SETD5: variants seen among roughly 807,000 people sequenced by gnomAD.
SETD5 encodes SET domain containing 5, also known as histone-lysine N-methyltransferase SETD5.
Under a neutral mutation model 153.3 loss-of-function variants are expected in SETD5, and 44 were observed. That is an observed-to-expected ratio of 0.29 (90% CI 0.23 to 0.37). SETD5 has a LOEUF of 0.37. SETD5 is among the 10% of genes least tolerant of loss of function. The probability of loss-of-function intolerance (pLI) is 1.00; values close to 1 mark genes in which losing one functional copy is unlikely to be tolerated. For synonymous variants in SETD5, 716 were observed against 645.2 expected, an observed-to-expected ratio of 1.11 and a Z score of -1.66; for missense variants, 1,544 against 1,768.0, an observed-to-expected ratio of 0.87 and a Z score of 2.27.
At chr3:9,442,324 A>T in intron 10 of SETD5, 79 bp downstream of exon 10, 1 of 1,015,814 alleles carries the variant, frequency 9.8e-7, no homozygotes, top group East Asian at 2.5e-5. Flanking sequence ...TGAAAACTTC[A>T]CTCAGATAAA....
chr3:9,445,558 C>A, intron 12 of SETD5, 99 bp from the exon 13 acceptor site: 2 of 1,081,030 alleles, frequency 1.9e-6, no homozygotes, highest in Non-Finnish European at 2.7e-6. Flanking sequence ...CAGTTTAAAG[C>A]ACTAGAGATT....
chr3:9,417,948 T>G (rs183385986), intron 1 of SETD5, among the ~76,000 whole-genome samples: 6 of 144,158 alleles, frequency 4.2e-5, no homozygotes, highest in Admixed American at 8.0e-5. Flanking sequence ...TTTTGTTTTT[T>G]TTTTTTTTTT....
chr3:9,432,150 C>T (rs1331200271), intron 3 of SETD5: 1 of 228,920 alleles, frequency 4.4e-6, no homozygotes, highest in Non-Finnish European at 7.2e-6. Flanking sequence ...AGAATACTGA[C>T]CTGCATTCTT....
intron 1 of SETD5, among the ~76,000 whole-genome samples, chr3:9,412,134 G>A (rs899287092): frequency 1.3e-5 from 2 of 151,804 alleles, no homozygotes; most frequent in Non-Finnish European, 2.9e-5. Context: ...GTCTTTACAT[G>A]CCCTCAAAGT....
intron 1 of SETD5, among the ~76,000 whole-genome samples, chr3:9,416,973 A>G (rs1447890667): frequency 4.6e-5 from 7 of 152,136 alleles, no homozygotes; most frequent in Admixed American, 4.6e-4. Flanking sequence ...AAAAGCATGA[A>G]TAGTGTAAAC....
chr3:9,432,663 ACAAT>A (rs2040105600), intron 3 of SETD5, among the ~76,000 whole-genome samples: 1 of 152,238 alleles, frequency 6.6e-6, no homozygotes, highest in Non-Finnish European at 1.5e-5. Flanking sequence ...TAACCAGGTA[ACAAT>A]CAGAGTTGAA....
intron 1 of SETD5, among the ~76,000 whole-genome samples, chr3:9,417,777 G>GC (rs934481108): frequency 1.6e-4 from 24 of 150,662 alleles, no homozygotes; most frequent in South Asian, 6.3e-4. Context: ...GATCCACTGC[G>GC]CCTGGCCAAG....
In SETD5 at chr3:9,475,625, G is replaced by A. The variant is rs1490756838; in HGVS notation, c.3863G>A (p.Gly1288Asp). ...AGACCTGGAAACCCCCCCTCTCACG[G>A]TTCTTCAGAATCATCCCTCTCTTCC... ...ALRPGNPPSHGSSESSLSSTS... is the reference protein window; with the variant it reads ...ALRPGNPPSHDSSESSLSSTS... Residue 1288 changes from glycine (G) to aspartate (D), a missense_variant, in exon 23 of 23, where the codon GGT becomes GAT. This residue lies in a region of SETD5 where 302 missense variants were observed against 277.6 expected (regional missense o/e 1.09). Transcript: ENST00000402198. The A allele has an allele frequency of 6.2e-7, 1 of 1,613,730 alleles. No individual in the cohort carries two copies. The highest frequency in any genetic ancestry group is 2.2e-5 in the East Asian group (1 of 44,878).
rs1475309362 is a variant in SETD5 at position 9,453,795 on chromosome 3, A to G, written c.2403A>G (p.Gln801=). Residue 801 remains glutamine, a synonymous_variant, in exon 17 of 23, where the codon CAA becomes CAG. Transcript: ENST00000402198. ...TGACTCAAACATCATCTGTACCCCAAGAGACTAGAACTCAGCACCTATACC... is the reference window on the plus strand; with the variant it reads ...TGACTCAAACATCATCTGTACCCCAGGAGACTAGAACTCAGCACCTATACC... ...EGMTQTSSVP[Q]ETRTQHLYQS... The G allele has an allele frequency of 1.2e-6, 2 of 1,610,166 alleles. No homozygotes were observed. The highest frequency in any genetic ancestry group is 1.7e-5 in the Admixed American group (1 of 58,784).
intron 2 of SETD5, among the ~76,000 whole-genome samples, chr3:9,427,607 C>A (rs1047524308): frequency 6.6e-6 from 1 of 152,124 alleles, no homozygotes; most frequent in African/African-American, 2.4e-5. Context: ...GTATCATGTA[C>A]TTTTCATTCC....
chr3:9,457,564 G>A (rs1012953499), intron 17 of SETD5, among the ~76,000 whole-genome samples: 2 of 150,588 alleles, frequency 1.3e-5, no homozygotes, highest in African/African-American at 2.4e-5. Context: ...TATATAAAAA[G>A]TGTAAATATA....
intron 17 of SETD5, among the ~76,000 whole-genome samples, chr3:9,460,335 C>G (rs910792294): frequency 2.0e-5 from 3 of 150,118 alleles, no homozygotes; most frequent in East Asian, 3.9e-4. Flanking sequence ...TGAAGAGGGA[C>G]ATAATATGTG....
intron 1 of SETD5, among the ~76,000 whole-genome samples, chr3:9,406,283 G>A (rs1285993215): frequency 1.3e-5 from 2 of 152,150 alleles, no homozygotes; most frequent in East Asian, 3.8e-4. Flanking sequence ...ACAAAGAGAA[G>A]GGCCTTTGAA....
In SETD5 at chr3:9,397,629, T is replaced by A. The variant is rs1233927572; in HGVS notation, c.-525T>A. The A allele has an allele frequency of 5.7e-6, 1 of 173,938 alleles. No homozygotes were observed. Among genetic ancestry groups the A allele is most frequent in the Non-Finnish European group, 1.2e-5 (1 of 86,682 alleles). The allele number at this position is 173,938 out of a possible 1,614,324, so 10.8% of individuals were successfully genotyped here. The stretch of plus-strand genomic sequence containing the variant: ...CCCGTGCGGTCAGTGGCGTTTCCGC[T>A]CGGGCAGCGGGCTGAGTGAGCTGCC... On this transcript the variant is annotated 5_prime_UTR_variant, in exon 1 of 23. Transcript: ENST00000402198.
intron 9 of SETD5, 109 bp from the exon 10 acceptor site, chr3:9,442,019 G>A (rs751389562): frequency 2.4e-5 from 19 of 787,418 alleles, no homozygotes; most frequent in East Asian, 5.4e-5. Flanking sequence ...AAGTTTAGGC[G>A]TTGCAAAAGA....
intron 1 of SETD5, among the ~76,000 whole-genome samples, chr3:9,407,378 C>T (rs187060115): frequency 3.3e-5 from 5 of 152,112 alleles, no homozygotes; most frequent in Admixed American, 6.5e-5. Context: ...TTACTTAAAC[C>T]CTAGGCCATG....
chr3:9,407,557 G>C (rs1171689403), intron 1 of SETD5, among the ~76,000 whole-genome samples: 1 of 152,154 alleles, frequency 6.6e-6, no homozygotes, highest in African/African-American at 2.4e-5. Flanking sequence ...TTCATGAAAT[G>C]ACTATGCCAG....
chr3:9,442,066 G>T, intron 9 of SETD5, 62 bp from the exon 10 acceptor site: 1 of 1,080,766 alleles, frequency 9.3e-7, no homozygotes, highest in Non-Finnish European at 1.4e-6. Context: ...TTCATATTTG[G>T]AGTCATGGGG....
rs770765185 is a variant in SETD5, at chr3:9,470,783, G to C, written c.3049G>C (p.Gly1017Arg). 2 of 1,613,856 alleles carry C rather than the reference G, an allele frequency of 1.2e-6. No individual in the cohort carries two copies. The highest frequency in any genetic ancestry group is 1.7e-5 in the Admixed American group (1 of 60,000). Residue 1017 changes from glycine (G) to arginine (R), a missense_variant, in exon 19 of 23, where the codon GGA becomes CGA. Coordinates refer to ENST00000402198, the MANE Select transcript of SETD5 (RefSeq NM_001080517.3). Reference protein sequence around the residue: ...GDRKPLHLDGGYCSPAEGFSS... With the variant: ...GDRKPLHLDGRYCSPAEGFSS... ...TAGGAAGCCTTTACATTTGGATGGGGGATATTGTTCCCCTGCAGAAGGATT... is the reference window on the plus strand; with the variant it reads ...TAGGAAGCCTTTACATTTGGATGGGCGATATTGTTCCCCTGCAGAAGGATT...
Sources: gnomAD v4.1 joint callset for allele counts (sites outside exome capture counted in the v4.1 genomes callset) on GRCh38, gnomAD v4.1.1 for gene constraint, gnomAD v4.1.1 regional missense constraint, MANE v1.5 for transcripts, NCBI Gene and HGNC (gene_info 2026-07-23, HGNC 2026-07-21) for gene names.